Variants in METTL16 observed in about 807,000 individuals in gnomAD.
METTL16 encodes methyltransferase 16, RNA N6-adenosine, also known as RNA N(6)-adenosine-methyltransferase METTL16.
A neutral mutation model predicts 57.9 loss-of-function variants in METTL16; 19 were observed. The observed-to-expected ratio is 0.33, with a 90% CI of 0.23 to 0.48. METTL16 has a LOEUF of 0.48. Ranked by LOEUF, METTL16 falls within the 20% of genes least tolerant of loss-of-function variation. The probability of loss-of-function intolerance (pLI) is 0.99; values close to 1 mark genes in which losing one functional copy is unlikely to be tolerated. For missense variants in METTL16, 434 were observed against 691.5 expected, an observed-to-expected ratio of 0.63 and a Z score of 4.18; for synonymous variants, 246 against 255.6, an observed-to-expected ratio of 0.96 and a Z score of 0.36.
intron 2 of METTL16, among the ~76,000 whole-genome samples, chr17:2,489,512 G>A (rs954555163): frequency 4.6e-5 from 7 of 151,934 alleles, no homozygotes; most frequent in East Asian, 1.9e-4. Flanking sequence ...AAAATTAGCC[G>A]AGCGTGGTGG....
At chr17:2,498,310 GT>G (rs2067461379) in intron 2 of METTL16, among the ~76,000 whole-genome samples, 1 of 151,442 alleles carries the variant, frequency 6.6e-6, no homozygotes, top group Non-Finnish European at 1.5e-5. Flanking sequence ...TACTCAGGAG[GT>G]TGAGGCAGGA....
intron 2 of METTL16, among the ~76,000 whole-genome samples, chr17:2,497,009 C>CTTTT (rs993600783): frequency 2.0e-5 from 3 of 151,308 alleles, no homozygotes; most frequent in Non-Finnish European, 4.4e-5. Context: ...TGTTGTTTTT[C>CTTTT]TTTTTTATTT....
chr17:2,506,060 C>T (rs901456874), intron 1 of METTL16, among the ~76,000 whole-genome samples: 2 of 151,698 alleles, frequency 1.3e-5, no homozygotes, highest in Non-Finnish European at 2.9e-5. Flanking sequence ...GTCTGCCTCC[C>T]GGGTTCAAGC....
intron 8 of METTL16, among the ~76,000 whole-genome samples, chr17:2,437,610 G>T (rs988125496): frequency 3.3e-5 from 5 of 152,090 alleles, no homozygotes; most frequent in Non-Finnish European, 7.4e-5. Flanking sequence ...GGAGTGCAGT[G>T]GCACAATCTC....
At chr17:2,493,126 C>CTTTTTTTTTTTT (rs201893707) in intron 2 of METTL16, among the ~76,000 whole-genome samples, 1 of 138,430 alleles carries the variant, frequency 7.2e-6, no homozygotes, top group African/African-American at 2.6e-5. Context: ...TTTGGTGATT[C>CTTTTTTTTTTTT]TTCTTTTTTT....
intron 2 of METTL16, among the ~76,000 whole-genome samples, chr17:2,479,672 C>T (rs1358971689): frequency 6.6e-6 from 1 of 152,088 alleles, no homozygotes; most frequent in African/African-American, 2.4e-5. Context: ...CAATGTCCAT[C>T]GGGATGCTTG....
At chr17:2,490,994 T>G (rs2067384016) in intron 2 of METTL16, among the ~76,000 whole-genome samples, 1 of 152,152 alleles carries the variant, frequency 6.6e-6, no homozygotes, top group Non-Finnish European at 1.5e-5. Flanking sequence ...TTGTTAGACT[T>G]TGTTGTTTAT....
chr17:2,480,961 G>C (rs1171585559), intron 2 of METTL16, among the ~76,000 whole-genome samples: 2 of 152,194 alleles, frequency 1.3e-5, no homozygotes, highest in Non-Finnish European at 2.9e-5. Context: ...CCAACACTTT[G>C]GGAGGCCAAG....
At chr17:2,428,124 A>T (rs1253922335) in intron 8 of METTL16, among the ~76,000 whole-genome samples, 1 of 151,954 alleles carries the variant, frequency 6.6e-6, no homozygotes, top group Non-Finnish European at 1.5e-5. Flanking sequence ...AAAAATAGTA[A>T]TTCCTAGCTC....
At chr17:2,494,013 C>G (rs1281086112) in intron 2 of METTL16, among the ~76,000 whole-genome samples, 1 of 152,102 alleles carries the variant, frequency 6.6e-6, no homozygotes, top group African/African-American at 2.4e-5. Context: ...TGTAACAAGT[C>G]TTTTTAAAAA....
At chr17:2,482,128 T>C (rs1457177599) in intron 2 of METTL16, among the ~76,000 whole-genome samples, 2 of 152,316 alleles carry the variant, frequency 1.3e-5, no homozygotes, top group South Asian at 2.1e-4. Flanking sequence ...CACGAGCTCT[T>C]TGTGAAGAAA....
chr17:2,477,243 G>A (rs563591557), intron 3 of METTL16, among the ~76,000 whole-genome samples: 1 of 152,222 alleles, frequency 6.6e-6, no homozygotes, highest in South Asian at 2.1e-4. Context: ...TTTTCATTTT[G>A]TACTTCCCTT....
At chr17:2,498,861 A>G (rs2067466091) in intron 2 of METTL16, among the ~76,000 whole-genome samples, 1 of 151,578 alleles carries the variant, frequency 6.6e-6, no homozygotes, top group South Asian at 2.1e-4. Context: ...ACCACAAAGT[A>G]TAACCATCCC....
At chr17:2,472,508 T>G (rs2067241872) in intron 4 of METTL16, among the ~76,000 whole-genome samples, 1 of 152,216 alleles carries the variant, frequency 6.6e-6, no homozygotes, top group South Asian at 2.1e-4. Context: ...CTCACAACTT[T>G]ATTTGTAATT....
At chr17:2,447,382 A>AGCCACCCCGTCCG (rs2067008756) in intron 6 of METTL16, among the ~76,000 whole-genome samples, 1 of 108,782 alleles carries the variant, frequency 9.2e-6, no homozygotes, top group African/African-American at 5.8e-5. Flanking sequence ...CCCTCCGTCC[A>AGCCACCCCGTCCG]GCAGCCACCC....
intron 7 of METTL16, among the ~76,000 whole-genome samples, chr17:2,440,952 C>T (rs933175903): frequency 3.2e-5 from 3 of 94,798 alleles, no homozygotes; most frequent in Non-Finnish European, 5.6e-5. Context: ...AGCCTGGGAA[C>T]AGAGCTAGAC....
chr17:2,483,013 C>A, intron 2 of METTL16, among the ~76,000 whole-genome samples: 1 of 148,482 alleles, frequency 6.7e-6, no homozygotes. Context: ...AAAATCAGAT[C>A]ATATAGTGTT....
rs2066745140 is a variant in METTL16 at position 2,419,656 on chromosome 17, T to A, written c.*314A>T. The A allele has an allele frequency of 1.8e-6, 1 of 550,618 alleles. No individual in the cohort carries two copies. Among genetic ancestry groups the A allele is most frequent in the South Asian group, 1.5e-5 (1 of 65,418 alleles). The allele number at this position is 550,618 out of a possible 1,614,324, so 34.1% of individuals were successfully genotyped here. ...GCCCAGACTCCACAAACAACCCTTCTGACCTTGCAGAGGCAGTCCAGAGCT... is the reference window on the plus strand; with the variant it reads ...GCCCAGACTCCACAAACAACCCTTCAGACCTTGCAGAGGCAGTCCAGAGCT... On this transcript the variant is annotated 3_prime_UTR_variant, in exon 10 of 10. Transcript: ENST00000263092.
chr17:2,453,250 TC>T (rs1226208967), intron 6 of METTL16, among the ~76,000 whole-genome samples: 5 of 152,328 alleles, frequency 3.3e-5, no homozygotes, highest in South Asian at 2.1e-4. Flanking sequence ...TGGAATACAG[TC>T]CACACTTAAA....
Sources: allele counts gnomAD v4.1 joint callset (sites outside exome capture counted in the v4.1 genomes callset), GRCh38; gene constraint gnomAD v4.1.1; transcripts MANE v1.5; gene names NCBI Gene and HGNC (gene_info 2026-07-23, HGNC 2026-07-21).